AKAP10: variants seen among roughly 807,000 people sequenced by gnomAD.
The protein encoded by AKAP10 is A-kinase anchoring protein 10.
Under a neutral mutation model 80.8 loss-of-function variants are expected in AKAP10, and 24 were observed. That is an observed-to-expected ratio of 0.30 (90% confidence interval 0.22 to 0.42). AKAP10 has a LOEUF of 0.42. Among genes scored for constraint, AKAP10 ranks in the 10% least tolerant of loss-of-function variants. AKAP10 has a pLI of 1.00. For missense variants in AKAP10, 661 were observed against 794.9 expected (o/e 0.83, Z 2.03); for synonymous variants, 291 against 277.7 (o/e 1.05, Z -0.48).
At chr17:19,939,939 G>A in intron 7 of AKAP10, 90 bp from the exon 8 acceptor site, 3 of 1,394,446 alleles carry the variant, frequency 2.2e-6, no homozygotes, top group East Asian at 2.5e-5. Flanking sequence ...TTAAAATACA[G>A]GTCATAAGCA....
chr17:19,946,254 TATATATA>T lies in AKAP10; in HGVS notation c.976+1146_976+1152del, dbSNP rs2043120081. 2.0e-4 allele frequency among the ~76,000 whole-genome samples: 5 copies of T among 24,792 alleles called. 1 individual carries two copies. The highest frequency in any genetic ancestry group is 7.8e-4 in the African/African-American group (5 of 6,402). 16.3% of individuals were successfully genotyped at this position (24,792 alleles called of 152,430 possible). A position where few individuals can be genotyped will look rare whatever the true frequency, so the allele number is the denominator to read the frequency against. On this transcript the variant is annotated intron_variant, in intron 5 of 14. Coordinates refer to ENST00000225737, the MANE Select transcript of AKAP10 (RefSeq NM_007202.4). ...TATATATATTATATATATATATATA[TATATATA>T]TATATATATATATATTTTTTTTTTT...
At chr17:19,916,809 C>T (rs1377229891) in intron 12 of AKAP10, among the ~76,000 whole-genome samples, 7 of 151,434 alleles carry the variant, frequency 4.6e-5, no homozygotes, top group African/African-American at 7.3e-5. Context: ...TGGTGGCGAG[C>T]GCCTGTGGTC....
chr17:19,961,196 A>T (rs990659856), intron 3 of AKAP10, among the ~76,000 whole-genome samples: 1 of 150,626 alleles, frequency 6.6e-6, no homozygotes, highest in Non-Finnish European at 1.5e-5. Flanking sequence ...AAAAAAAAAA[A>T]TACAAAAATT....
intron 2 of AKAP10, among the ~76,000 whole-genome samples, chr17:19,966,756 C>T (rs2043425257): frequency 8.4e-6 from 1 of 119,352 alleles, no homozygotes; most frequent in Non-Finnish European, 1.9e-5. Context: ...CAAGGTCATA[C>T]TGTTAGTGGC....
At chr17:19,975,675 C>T (rs1374916051) in intron 1 of AKAP10, among the ~76,000 whole-genome samples, 1 of 152,218 alleles carries the variant, frequency 6.6e-6, no homozygotes, top group African/African-American at 2.4e-5. Context: ...TATTTATTAT[C>T]TGTCTACCCC....
At chr17:19,925,193 G>C (rs2042863628) in intron 10 of AKAP10, among the ~76,000 whole-genome samples, 1 of 151,972 alleles carries the variant, frequency 6.6e-6, no homozygotes, top group African/African-American at 2.4e-5. Flanking sequence ...AAAATAAAAT[G>C]TATAATGTAT....
intron 1 of AKAP10, among the ~76,000 whole-genome samples, chr17:19,972,185 T>A (rs2043506469): frequency 6.6e-6 from 1 of 152,242 alleles, no homozygotes. Flanking sequence ...ATGCTTCATA[T>A]TCTCATCCTT....
chr17:19,923,298 G>C (rs1220158101), intron 11 of AKAP10, among the ~76,000 whole-genome samples: 1 of 151,734 alleles, frequency 6.6e-6, no homozygotes, highest in Non-Finnish European at 1.5e-5. Context: ...GGCTGGTCTC[G>C]AACTCCTGAG....
intron 9 of AKAP10, among the ~76,000 whole-genome samples, chr17:19,933,210 G>A (rs556230408): frequency 2.0e-5 from 3 of 152,186 alleles, no homozygotes; most frequent in East Asian, 1.9e-4. Context: ...GTAGAGACGG[G>A]GTTTCGCCAT....
Position 19,970,033 on chromosome 17 carries a change from T to C in AKAP10, c.89-1572A>G, listed in dbSNP as rs190162642. Among the ~76,000 whole-genome samples the C allele has an allele frequency of 3.9e-5, 6 of 152,306 alleles. No individual in the cohort carries two copies. The East Asian group carries it at 5.8e-4, about 15-fold the overall frequency. ...CCCATTCTTAAGGCTTACAATACCA[T>C]AGATACGCTGTTACTCCTAAATTTA... On this transcript the variant is annotated intron_variant, in intron 1 of 14. Coordinates refer to ENST00000225737, the MANE Select transcript of AKAP10 (RefSeq NM_007202.4).
chr17:19,966,707 AT>A (rs1265132243), intron 2 of AKAP10, among the ~76,000 whole-genome samples: 2 of 152,216 alleles, frequency 1.3e-5, no homozygotes, highest in Admixed American at 6.5e-5. Flanking sequence ...CAATCCCCCC[AT>A]TCAACAAATG....
chr17:19,941,160 T>C, intron 6 of AKAP10, 150 bp from the exon 7 acceptor site: 1 of 797,060 alleles, frequency 1.3e-6, no homozygotes, highest in Non-Finnish European at 1.9e-6. Context: ...CTGATTCCTT[T>C]ACCTGTATGT....
chr17:19,934,648 T>C (rs561417374), intron 9 of AKAP10, among the ~76,000 whole-genome samples: 5 of 152,224 alleles, frequency 3.3e-5, no homozygotes, highest in African/African-American at 4.8e-5. Flanking sequence ...CTTACTTTAA[T>C]CATCAAAGTA....
At chr17:19,938,882 G>A (rs894682030) in intron 8 of AKAP10, among the ~76,000 whole-genome samples, 5 of 151,830 alleles carry the variant, frequency 3.3e-5, no homozygotes, top group Non-Finnish European at 5.9e-5. Flanking sequence ...ACAGGCGCAC[G>A]CCATCACGCT....
In AKAP10 at chr17:19,905,362, T is replaced by A. The variant is rs1597483696; in HGVS notation, c.*865A>T. 1 of 151,434 alleles carries A rather than the reference T, an allele frequency of 6.6e-6. No homozygotes were observed. The highest frequency in any genetic ancestry group is 1.5e-5 in the Non-Finnish European group (1 of 67,892). 9.4% of individuals were successfully genotyped at this position (151,434 alleles called of 1,614,324 possible). A position where few individuals can be genotyped will look rare whatever the true frequency, so the allele number is the denominator to read the frequency against. On this transcript the variant is annotated 3_prime_UTR_variant, in exon 15 of 15. Coordinates refer to ENST00000225737, the MANE Select transcript of AKAP10 (RefSeq NM_007202.4). ...TCACCTTATTTAAAAAAAAAAAAAG[T>A]ATAATTTGGGAAGAACTGCTTTGTT... is the stretch of plus-strand genomic sequence containing the variant.
chr17:19,971,933 C>T (rs1339901681), intron 1 of AKAP10, among the ~76,000 whole-genome samples: 1 of 152,140 alleles, frequency 6.6e-6, no homozygotes, highest in East Asian at 1.9e-4. Context: ...TGGCAAAACC[C>T]TGTCTCTACT....
chr17:19,907,014 GT>G (rs35907139), intron 14 of AKAP10, among the ~76,000 whole-genome samples: 1 of 149,210 alleles, frequency 6.7e-6, no homozygotes, highest in Non-Finnish European at 1.5e-5. Flanking sequence ...CGAGTCTACT[GT>G]TTTTTTTTGT....
chr17:19,928,186 T>C lies in AKAP10; in HGVS notation c.1641+3619A>G, dbSNP rs1254442385. Among the ~76,000 whole-genome samples the C allele has an allele frequency of 3.9e-5, 6 of 151,998 alleles. No individual in the cohort carries two copies. The East Asian group carries it at 5.8e-4, about 15-fold the overall frequency. On this transcript the variant is annotated intron_variant, in intron 10 of 14. Transcript: ENST00000225737. The stretch of plus-strand genomic sequence containing the variant: ...GTTGCAGTGAGCTGAGACCACACCA[T>C]TGTACTCCAGCCTGGCTGACAGAGT...
intron 12 of AKAP10, among the ~76,000 whole-genome samples, chr17:19,917,011 C>T (rs1389032798): frequency 3.3e-5 from 5 of 151,386 alleles, no homozygotes. Context: ...ACGCCTGTAA[C>T]TCCAGCACTT....
Sources: allele counts gnomAD v4.1 joint callset (sites outside exome capture counted in the v4.1 genomes callset), GRCh38; gene constraint gnomAD v4.1.1; transcripts MANE v1.5; gene names NCBI Gene and HGNC (gene_info 2026-07-23, HGNC 2026-07-21).